The following FGD5 variants were observed in gnomAD, a reference collection of about 807,000 sequenced individuals.
FGD5 encodes the protein FYVE, RhoGEF and PH domain-containing protein 5.
FGD5 carries 28 observed loss-of-function variants against 133.4 expected under a neutral mutation model. The ratio of observed to expected loss-of-function variants is 0.21; its 90% CI spans 0.16 to 0.29. The LOEUF (loss-of-function observed/expected upper bound fraction) is 0.29, where lower values mean the gene tolerates loss of function less well. Among genes scored for constraint, FGD5 ranks in the 10% least tolerant of loss-of-function variants. The probability of loss-of-function intolerance (pLI) is 1.00; values close to 1 mark genes in which losing one functional copy is unlikely to be tolerated. For missense variants in FGD5, 1,858 were observed against 1,895.2 expected (o/e 0.98, Z 0.36); for synonymous variants, 810 against 776.5 (o/e 1.04, Z -0.72).
At chr3:14,822,399 C>A (rs2036521685) in intron 1 of FGD5, among the ~76,000 whole-genome samples, 1 of 151,602 alleles carries the variant, frequency 6.6e-6, no homozygotes, top group African/African-American at 2.4e-5. Context: ...CAACAGGGAA[C>A]TAGAAAAGAC....
chr3:14,823,200 C>T (rs1336795971), intron 1 of FGD5, among the ~76,000 whole-genome samples: 1 of 152,184 alleles, frequency 6.6e-6, no homozygotes, highest in Non-Finnish European at 1.5e-5. Context: ...CAGCTGAGTG[C>T]CTCCTAGCAC....
chr3:14,910,767 G>A, intron 10 of FGD5, 94 bp from the exon 11 acceptor site: 1 of 1,106,828 alleles, frequency 9.0e-7, no homozygotes, highest in Non-Finnish European at 1.3e-6. Flanking sequence ...GTCTGGGATT[G>A]ATTTAAGTTT....
At chr3:14,891,119 T>G (rs1199869180) in intron 4 of FGD5, among the ~76,000 whole-genome samples, 1 of 152,172 alleles carries the variant, frequency 6.6e-6, no homozygotes, top group Non-Finnish European at 1.5e-5. Context: ...TTTTCTTTCT[T>G]TTCCTGGGAT....
chr3:14,880,600 T>C lies in FGD5; in HGVS notation c.2687T>C (p.Ile896Thr). ...GAAGGACAGTCCAGAGCCCTTGTCA[T>C]CGCACAGGAACTGCTATCTTCAGAG... ...KVEGQSRALV[I>T]AQELLSSEKA... Residue 896 changes from isoleucine (I) to threonine (T), a missense_variant, in exon 3 of 20, where the codon ATC becomes ACC. Ile to Thr is a moderately conservative substitution (Grantham distance 89, BLOSUM62 -1). This residue lies in a region of FGD5 where 1,824 missense variants were observed against 1,848.9 expected (regional missense o/e 0.99). Transcript: ENST00000285046. 1 of 1,613,936 alleles carries C rather than the reference T, an allele frequency of 6.2e-7. No individual in the cohort carries two copies. Among genetic ancestry groups the C allele is most frequent in the Non-Finnish European group, 8.5e-7 (1 of 1,179,886 alleles).
At chr3:14,926,289 T>A (rs986515063) in intron 18 of FGD5, 91 bp downstream of exon 18, 53 of 1,545,562 alleles carry the variant, frequency 3.4e-5, no homozygotes, top group Non-Finnish European at 5.3e-6. Context: ...CAAAGCTGTG[T>A]GAGTCCTGGC....
At chr3:14,845,753 G>C (rs1386946334) in intron 1 of FGD5, among the ~76,000 whole-genome samples, 1 of 152,204 alleles carries the variant, frequency 6.6e-6, no homozygotes, top group African/African-American at 2.4e-5. Flanking sequence ...ATTGCCACGT[G>C]CTTTGTTTTA....
At chr3:14,811,336 A>C (rs2036291037) in intron 1 of FGD5, 1 of 152,316 alleles carries the variant, frequency 6.6e-6, no homozygotes, top group Admixed American at 6.5e-5. Context: ...ACCAGTTCCC[A>C]GCCCTTCAGT....
chr3:14,922,820 T>C lies in FGD5; in HGVS notation c.3808-226T>C, dbSNP rs2038711990. Among the ~76,000 whole-genome samples the C allele has an allele frequency of 2.0e-5, 3 of 152,040 alleles. No homozygotes were observed. Among genetic ancestry groups the C allele is most frequent in the South Asian group, 4.1e-4 (2 of 4,826 alleles). On this transcript the variant is annotated intron_variant, in intron 15 of 19. Transcript: ENST00000285046. This position sits in a 1 kb window ranked among gnomAD's most constrained non-coding sequence, Gnocchi z 4.1. ...ATTGTGCTTGGAGAAAAAAGTATCA[T>C]GTAGTGGTTAAGGGCGCGGGCTCAT...
chr3:14,885,497 C>T (rs1363523484), intron 4 of FGD5, among the ~76,000 whole-genome samples: 2 of 152,172 alleles, frequency 1.3e-5, no homozygotes, highest in African/African-American at 2.4e-5. Context: ...TAGCCTCCAG[C>T]GGAATGCTGA....
intron 1 of FGD5, among the ~76,000 whole-genome samples, chr3:14,855,566 G>T (rs959358587): frequency 6.6e-5 from 10 of 152,022 alleles, no homozygotes; most frequent in African/African-American, 2.4e-4. Flanking sequence ...GGTGTGAGAT[G>T]ATATCTCATT....
chr3:14,822,486 CTTG>C (rs1488723167), intron 1 of FGD5, among the ~76,000 whole-genome samples: 3 of 142,512 alleles, frequency 2.1e-5, no homozygotes, highest in Non-Finnish European at 4.5e-5. Context: ...TACATCCAAG[CTTG>C]TTTTTTTTTT....
At chr3:14,883,268 G>A (rs1416986454) in intron 4 of FGD5, among the ~76,000 whole-genome samples, 1 of 152,096 alleles carries the variant, frequency 6.6e-6, no homozygotes, top group Non-Finnish European at 1.5e-5. Flanking sequence ...ACCACATGTG[G>A]GTCACAAAGC....
intron 17 of FGD5, among the ~76,000 whole-genome samples, chr3:14,924,715 G>T (rs894148913): frequency 6.6e-6 from 1 of 152,200 alleles, no homozygotes; most frequent in African/African-American, 2.4e-5. Context: ...GTAGCAGGTA[G>T]CAAGGGTTTA....
intron 2 of FGD5, among the ~76,000 whole-genome samples, chr3:14,879,635 G>T (rs560429071): frequency 2.4e-4 from 36 of 152,346 alleles, no homozygotes; most frequent in African/African-American, 8.2e-4. Context: ...CTAAGCACTG[G>T]TCATGCAGAT....
At chr3:14,818,848 G>A, upstream of FGD5, 1 of 1,248,080 alleles carries the variant, frequency 8.0e-7, no homozygotes, top group South Asian at 1.8e-5. Context: ...GCTTCACATG[G>A]ATGGACGGAA....
intron 1 of FGD5, among the ~76,000 whole-genome samples, chr3:14,822,061 C>T (rs2036515292): frequency 1.3e-5 from 2 of 150,914 alleles, no homozygotes; most frequent in Non-Finnish European, 2.9e-5. Context: ...GATCACGCAA[C>T]TGTACTCCAA....
intron 1 of FGD5, among the ~76,000 whole-genome samples, chr3:14,854,847 A>G (rs1392048438): frequency 6.6e-6 from 1 of 152,210 alleles, no homozygotes; most frequent in African/African-American, 2.4e-5. Context: ...AACGTTGATC[A>G]TTTCTTTGTG....
intron 2 of FGD5, among the ~76,000 whole-genome samples, chr3:14,875,935 G>A (rs1232139574): frequency 6.6e-6 from 1 of 152,182 alleles, no homozygotes; most frequent in African/African-American, 2.4e-5. Context: ...CAGACACAGA[G>A]GCTTTGGGGG....
At chr3:14,908,194 G>C (rs2038375327) in intron 10 of FGD5, among the ~76,000 whole-genome samples, 1 of 152,152 alleles carries the variant, frequency 6.6e-6, no homozygotes, top group South Asian at 2.1e-4. Flanking sequence ...TAAAGGACAA[G>C]AGACAAAGGA....
Sources: gnomAD v4.1 joint callset for allele counts (sites outside exome capture counted in the v4.1 genomes callset) on GRCh38, gnomAD v4.1.1 for gene constraint, gnomAD v4.1.1 regional missense constraint, Gnocchi (gnomAD v3.1) non-coding constraint, MANE v1.5 for transcripts, NCBI Gene and HGNC (gene_info 2026-07-23, HGNC 2026-07-21) for gene names.